The following ARHGEF10 variants were observed in gnomAD, a reference collection of about 807,000 sequenced individuals.
The protein encoded by ARHGEF10 is Rho guanine nucleotide exchange factor (GEF) 10.
Under a neutral mutation model 147.4 loss-of-function variants are expected in ARHGEF10, and 140 were observed. The ratio of observed to expected loss-of-function variants is 0.95; its 90% CI spans 0.83 to 1.09. The LOEUF (loss-of-function observed/expected upper bound fraction) is 1.09, where lower values mean the gene tolerates loss of function less well. Among genes scored for constraint, ARHGEF10 ranks in the 50% least tolerant of loss-of-function variants. The pLI, the probability that ARHGEF10 is intolerant of heterozygous loss-of-function variation, is 0.00. For missense variants in ARHGEF10, 2,222 were observed against 1,752.7 expected, an observed-to-expected ratio of 1.27 and a Z score of -4.78; for synonymous variants, 902 against 695.8, an observed-to-expected ratio of 1.30 and a Z score of -4.67.
intron 2 of ARHGEF10, among the ~76,000 whole-genome samples, chr8:1,847,244 T>A (rs1473829429): frequency 6.6e-6 from 1 of 152,202 alleles, no homozygotes; most frequent in Non-Finnish European, 1.5e-5. Flanking sequence ...GCCTTCAATT[T>A]CTGTCATTCC....
At chr8:1,927,290 C>G (rs79724830) in intron 23 of ARHGEF10, 1 of 152,420 alleles carries the variant, frequency 6.6e-6, no homozygotes, top group African/African-American at 2.4e-5. Context: ...TCATAGCCCC[C>G]AGGCCCTGTA....
chr8:1,848,264 G>A (rs996861578), intron 2 of ARHGEF10, among the ~76,000 whole-genome samples: 2 of 152,182 alleles, frequency 1.3e-5, no homozygotes, highest in Admixed American at 6.5e-5. Context: ...CTTTGTACGC[G>A]CCACACGGCG....
At chr8:1,915,351 T>C (rs972182454) in intron 18 of ARHGEF10, among the ~76,000 whole-genome samples, 8 of 152,220 alleles carry the variant, frequency 5.3e-5, no homozygotes, top group Admixed American at 3.9e-4. Flanking sequence ...AATGTGTCCA[T>C]GAGTTATTCT....
Position 1,957,336 on chromosome 8 carries a change from G to T in ARHGEF10, c.*73G>T. 1 of 1,553,860 alleles carries T rather than the reference G, an allele frequency of 6.4e-7. No homozygotes were observed. ...TCTCAGCTAATCCTACAGCCTGAGT[G>T]GTTAAGCTGTGTCTACACTGGTTGG... On this transcript the variant is annotated 3_prime_UTR_variant, in exon 29 of 29. Transcript: ENST00000349830.
intron 18 of ARHGEF10, among the ~76,000 whole-genome samples, chr8:1,912,712 C>G (rs1316950215): frequency 6.6e-6 from 1 of 152,160 alleles, no homozygotes; most frequent in East Asian, 1.9e-4. Flanking sequence ...GGTTTAAGCT[C>G]CCAAACTCCC....
At chr8:1,938,309 C>T (rs761112382) in intron 26 of ARHGEF10, among the ~76,000 whole-genome samples, 4 of 152,130 alleles carry the variant, frequency 2.6e-5, no homozygotes, top group African/African-American at 7.2e-5. Flanking sequence ...TTCTGGGGGG[C>T]GTTGCCTGGA....
At chr8:1,915,319 C>T (rs1247950606) in intron 18 of ARHGEF10, among the ~76,000 whole-genome samples, 1 of 152,218 alleles carries the variant, frequency 6.6e-6, no homozygotes, top group Non-Finnish European at 1.5e-5. Context: ...AGTCACATCA[C>T]AGATTCTGGG....
At position 1,958,073 on chromosome 8, in the gene ARHGEF10, G is replaced by A. The variant is rs911117226; in HGVS notation, c.*810G>A. 2.0e-5 allele frequency: 3 copies of A among 152,224 alleles called. No homozygotes were observed. The highest frequency in any genetic ancestry group is 4.4e-5 in the Non-Finnish European group (3 of 68,048). 9.4% of individuals were successfully genotyped at this position (152,224 alleles called of 1,614,324 possible). A position where few individuals can be genotyped will look rare whatever the true frequency, so the allele number is the denominator to read the frequency against. ...GTGACTATCCACAGGAGAAAAGTGT[G>A]TGCTTTAGTATTAGAGGAGATAGGC... is the stretch of plus-strand genomic sequence containing the variant. On this transcript the variant is annotated 3_prime_UTR_variant, in exon 29 of 29. Transcript: ENST00000349830.
intron 1 of ARHGEF10, among the ~76,000 whole-genome samples, chr8:1,834,488 G>A (rs746856951): frequency 3.3e-5 from 5 of 152,124 alleles, no homozygotes; most frequent in African/African-American, 4.8e-5. Flanking sequence ...TCACAGCTGC[G>A]CTCTGAGGCC....
chr8:1,877,471 G>T (rs1412267246), intron 8 of ARHGEF10, among the ~76,000 whole-genome samples: 2 of 152,284 alleles, frequency 1.3e-5, no homozygotes, highest in South Asian at 2.1e-4. Flanking sequence ...CAGGTGATCT[G>T]CCCACCTCGG....
chr8:1,940,466 T>A (rs11782584), intron 26 of ARHGEF10, among the ~76,000 whole-genome samples: 1,830 of 152,224 alleles, frequency 0.012, 9 homozygotes, highest in Middle Eastern at 0.031. Flanking sequence ...CTAAAAGTAG[T>A]AAGGAAATTG....
At chr8:1,848,178 A>G (rs1585251698) in intron 2 of ARHGEF10, among the ~76,000 whole-genome samples, 1 of 152,212 alleles carries the variant, frequency 6.6e-6, no homozygotes, top group Non-Finnish European at 1.5e-5. Context: ...TGCATATTGT[A>G]TTTGTCGTCC....
chr8:1,842,302 G>C (rs1224011193), intron 1 of ARHGEF10, among the ~76,000 whole-genome samples: 6 of 152,192 alleles, frequency 3.9e-5, no homozygotes, highest in African/African-American at 1.4e-4. Context: ...AGTAGTGTCT[G>C]TCTGCTTCTG....
chr8:1,936,770 G>A (rs2129245539), intron 26 of ARHGEF10, among the ~76,000 whole-genome samples: 1 of 152,294 alleles, frequency 6.6e-6, no homozygotes, highest in African/African-American at 2.4e-5. Context: ...TGCACACACT[G>A]ACGAGACCGG....
intron 4 of ARHGEF10, 143 bp downstream of exon 4, chr8:1,860,327 C>T (rs1220363218): frequency 1.6e-4 from 171 of 1,054,014 alleles, no homozygotes; most frequent in Admixed American, 2.1e-4. Context: ...ACCTTCCCCC[C>T]TCCTCCTCCT....
intron 11 of ARHGEF10, among the ~76,000 whole-genome samples, chr8:1,887,420 G>GTGGGGTGTT (rs1808761657): frequency 6.8e-6 from 1 of 147,760 alleles, no homozygotes; most frequent in African/African-American, 2.7e-5. Context: ...CAGACCCTGA[G>GTGGGGTGTT]TGGGGTGTGA....
chr8:1,834,860 G>A (rs1251816236), intron 1 of ARHGEF10, among the ~76,000 whole-genome samples: 1 of 152,358 alleles, frequency 6.6e-6, no homozygotes, highest in Admixed American at 6.5e-5. Flanking sequence ...GGTGCATCAG[G>A]GGTGGGATGT....
At chr8:1,944,703 G>C (rs944920407) in intron 26 of ARHGEF10, among the ~76,000 whole-genome samples, 3 of 152,226 alleles carry the variant, frequency 2.0e-5, no homozygotes, top group Admixed American at 1.3e-4. Context: ...GAGCTGTGAG[G>C]CTGCTGGTTC....
intron 12 of ARHGEF10, among the ~76,000 whole-genome samples, chr8:1,893,924 A>G (rs1304109011): frequency 6.6e-6 from 1 of 152,136 alleles, no homozygotes; most frequent in African/African-American, 2.4e-5. Context: ...CTGTAATCCT[A>G]GCACTTTGGG....
Sources: gnomAD v4.1 joint callset for allele counts (sites outside exome capture counted in the v4.1 genomes callset) on GRCh38, gnomAD v4.1.1 for gene constraint, MANE v1.5 for transcripts, NCBI Gene and HGNC (gene_info 2026-07-23, HGNC 2026-07-21) for gene names.